Variants in CADPS2 observed in about 807,000 individuals in gnomAD.
The protein encoded by CADPS2 is calcium-dependent secretion activator 2.
CADPS2 carries 93 observed loss-of-function variants against 172.5 expected under a neutral mutation model. That is an observed-to-expected ratio of 0.54 (90% confidence interval 0.46 to 0.64). The LOEUF (loss-of-function observed/expected upper bound fraction) is 0.64. Among genes scored for constraint, CADPS2 ranks in the 30% least tolerant of loss-of-function variants. CADPS2 has a pLI of 0.00. For missense variants in CADPS2, 1,420 were observed against 1,565.9 expected, an observed-to-expected ratio of 0.91 and a Z score of 1.57; for synonymous variants, 546 against 555.2, an observed-to-expected ratio of 0.98 and a Z score of 0.23.
At chr7:122,692,221 G>A (rs1446378617) in intron 2 of CADPS2, among the ~76,000 whole-genome samples, 1 of 152,076 alleles carries the variant, frequency 6.6e-6, no homozygotes, top group African/African-American at 2.4e-5. Flanking sequence ...CTTGACTCCC[G>A]CAACATAGCG....
Position 122,402,772 on chromosome 7 carries a change from C to T in CADPS2, c.2746+4768G>A, listed in dbSNP as rs750147973. 1.3e-4 allele frequency among the ~76,000 whole-genome samples: 20 copies of T among 152,268 alleles called. No homozygotes were observed. In the South Asian group the frequency reaches 2.5e-3, roughly 19 times the overall value. On this transcript the variant is annotated intron_variant, in intron 20 of 29. Coordinates refer to ENST00000449022, the MANE Select transcript of CADPS2 (RefSeq NM_017954.11). ...ATAATTAGCAGCCTATTTTGTGTAACGCACACACACACAGACTGATGCCGA... is the reference window on the plus strand; with the variant it reads ...ATAATTAGCAGCCTATTTTGTGTAATGCACACACACACAGACTGATGCCGA...
intron 1 of CADPS2, among the ~76,000 whole-genome samples, chr7:122,817,002 C>A (rs1168230062): frequency 6.6e-6 from 1 of 150,814 alleles, no homozygotes; most frequent in Non-Finnish European, 1.5e-5. Context: ...CGCCAGAGAA[C>A]CCCCCTTTGA....
chr7:122,356,526 G>T (rs2039430464), intron 27 of CADPS2, among the ~76,000 whole-genome samples: 1 of 152,092 alleles, frequency 6.6e-6, no homozygotes, highest in Non-Finnish European at 1.5e-5. Flanking sequence ...TCTTCGGAAG[G>T]AAGTTACTAT....
intron 2 of CADPS2, among the ~76,000 whole-genome samples, chr7:122,680,777 G>A (rs941055439): frequency 6.6e-6 from 1 of 152,074 alleles, no homozygotes; most frequent in Non-Finnish European, 1.5e-5. Context: ...TCCCATTACT[G>A]GGTATATACC....
At chr7:122,835,592 A>C (rs972858605) in intron 1 of CADPS2, among the ~76,000 whole-genome samples, 3 of 152,204 alleles carry the variant, frequency 2.0e-5, no homozygotes, top group African/African-American at 7.2e-5. Context: ...TCCTTAAATG[A>C]CCTGATGGAA....
chr7:122,775,309 G>C (rs1397377349), intron 1 of CADPS2, among the ~76,000 whole-genome samples: 1 of 152,152 alleles, frequency 6.6e-6, no homozygotes, highest in East Asian at 1.9e-4. Context: ...GAGGCTCCTG[G>C]GTCAGAGATA....
rs1456856769 is a variant in CADPS2 at position 122,501,491 on chromosome 7, G to A, written c.1543-10071C>T. ...TGAGAGACAAGGTCTGGGCCTTTGA[G>A]ATTGAGGTCTAAACTCCAGCTTTCA... On this transcript the variant is annotated intron_variant, in intron 9 of 29. Transcript: ENST00000449022. Among the ~76,000 whole-genome samples, 3 of 152,026 alleles carry A rather than the reference G, an allele frequency of 2.0e-5. No individual in the cohort carries two copies. In the East Asian group the frequency reaches 5.8e-4, roughly 29 times the overall value.
intron 1 of CADPS2, among the ~76,000 whole-genome samples, chr7:122,854,073 G>A (rs1814493646): frequency 6.6e-6 from 1 of 152,256 alleles, no homozygotes; most frequent in East Asian, 1.9e-4. Context: ...AGAAATGAAG[G>A]TCTTAGCTGG....
In CADPS2 at chr7:122,655,742, T is replaced by C. The variant is rs796365347; in HGVS notation, c.786+7495A>G. 3.9e-5 allele frequency among the ~76,000 whole-genome samples: 6 copies of C among 152,282 alleles called. No individual in the cohort carries two copies. The East Asian group carries it at 7.7e-4, about 20-fold the overall frequency. Reference sequence around the variant, plus strand: ...AGTGTCTTGGTTGCTTTCTAAACAATTTATTTTCATAATTTCTGTAAAATA... The same window carrying C: ...AGTGTCTTGGTTGCTTTCTAAACAACTTATTTTCATAATTTCTGTAAAATA... On this transcript the variant is annotated intron_variant, in intron 3 of 29. Coordinates refer to ENST00000449022, the MANE Select transcript of CADPS2 (RefSeq NM_017954.11).
intron 17 of CADPS2, among the ~76,000 whole-genome samples, chr7:122,419,252 T>C (rs961525743): frequency 6.6e-6 from 1 of 152,206 alleles, no homozygotes; most frequent in South Asian, 2.1e-4. Context: ...TTGCATGCGA[T>C]TGCAAAGAGC....
intron 8 of CADPS2, among the ~76,000 whole-genome samples, chr7:122,516,364 G>A (rs1190849186): frequency 6.6e-6 from 1 of 152,000 alleles, no homozygotes; most frequent in Non-Finnish European, 1.5e-5. Flanking sequence ...GCCAGACTCT[G>A]TCTGTACAAA....
chr7:122,774,628 T>C (rs142227960), intron 1 of CADPS2, among the ~76,000 whole-genome samples: 230 of 152,300 alleles, frequency 1.5e-3, no homozygotes, highest in Non-Finnish European at 2.1e-3. Context: ...TGCAGTCTAA[T>C]TTCACATCTG....
intron 14 of CADPS2, among the ~76,000 whole-genome samples, chr7:122,452,386 T>G (rs547966946): frequency 2.0e-5 from 3 of 152,290 alleles, no homozygotes; most frequent in East Asian, 3.9e-4. Flanking sequence ...ATTTCCTACC[T>G]AATTAGTTTA....
At position 122,684,314 on chromosome 7, in the gene CADPS2, T is replaced by A. The variant is rs1194797682; in HGVS notation, c.454-20745A>T. The stretch of plus-strand genomic sequence containing the variant: ...AGGACTTACTGTACAGAGAGCATAG[T>A]TTTTTAGAAACTTCTGAACTGATAT... On this transcript the variant is annotated intron_variant, in intron 2 of 29. Coordinates refer to ENST00000449022, the MANE Select transcript of CADPS2 (RefSeq NM_017954.11). Among the ~76,000 whole-genome samples, 4 of 152,216 alleles carry A rather than the reference T, an allele frequency of 2.6e-5. No individual in the cohort carries two copies. The East Asian group carries it at 5.8e-4, about 22-fold the overall frequency.
At position 122,644,423 on chromosome 7, in the gene CADPS2, T is replaced by C. The variant is rs73435765; in HGVS notation, c.787-15095A>G. On this transcript the variant is annotated intron_variant, in intron 3 of 29. Transcript: ENST00000449022. The stretch of plus-strand genomic sequence containing the variant: ...ACCAATTACTTAACAACAAAGCAGG[T>C]ACTATCTGATGACACAGCCTTCATA... Among the ~76,000 whole-genome samples the C allele has an allele frequency of 3.0e-3, 461 of 152,294 alleles. 4 individuals carry two copies. Among genetic ancestry groups the C allele is most frequent in the African/African-American group, 0.011 (438 of 41,568 alleles).
chr7:122,530,706 C>A (rs1245812318), intron 8 of CADPS2, among the ~76,000 whole-genome samples: 1 of 152,148 alleles, frequency 6.6e-6, no homozygotes, highest in Non-Finnish European at 1.5e-5. Context: ...ACACAATATT[C>A]ATTAAATATT....
At chr7:122,833,154 CAT>C (rs1037146222) in intron 1 of CADPS2, among the ~76,000 whole-genome samples, 16 of 152,290 alleles carry the variant, frequency 1.1e-4, no homozygotes, top group East Asian at 3.9e-4. Context: ...ATTTTGATCA[CAT>C]GAGACACTAT....
intron 9 of CADPS2, among the ~76,000 whole-genome samples, chr7:122,498,151 T>C (rs1319536158): frequency 1.3e-5 from 2 of 152,134 alleles, no homozygotes; most frequent in Non-Finnish European, 2.9e-5. Flanking sequence ...GTTCACCACG[T>C]TGGCTAGGCT....
chr7:122,564,811 ATATG>A (rs1460466010), intron 7 of CADPS2, among the ~76,000 whole-genome samples: 2 of 149,576 alleles, frequency 1.3e-5, no homozygotes, highest in African/African-American at 2.5e-5. Context: ...TTGCATAAAC[ATATG>A]TGTGTACACA....
Sources: gnomAD v4.1 joint callset for allele counts (sites outside exome capture counted in the v4.1 genomes callset) on GRCh38, gnomAD v4.1.1 for gene constraint, MANE v1.5 for transcripts, NCBI Gene and HGNC (gene_info 2026-07-23, HGNC 2026-07-21) for gene names.